OR4K14: variants seen among roughly 807,000 people sequenced by gnomAD.
OR4K14 encodes olfactory receptor 4K14.
For missense variants in OR4K14, 406 were observed against 373.6 expected (o/e 1.09, Z -0.72); for synonymous variants, 153 against 141.5 (o/e 1.08, Z -0.58).
At chr14:20,017,608 A>G (rs1877124630) in intron 1 of OR4K14, among the ~76,000 whole-genome samples, 2 of 152,030 alleles carry the variant, frequency 1.3e-5, no homozygotes, top group African/African-American at 4.8e-5. Context: ...TTAAATTATT[A>G]TGTGGAAGCT....
At chr14:20,016,845 T>C (rs1228317174) in intron 1 of OR4K14, among the ~76,000 whole-genome samples, 1 of 152,088 alleles carries the variant, frequency 6.6e-6, no homozygotes, top group Non-Finnish European at 1.5e-5. Context: ...ATTATATTAT[T>C]AATATATTTC....
chr14:20,019,143 C>A lies in OR4K14; in HGVS notation c.-30G>T, dbSNP rs1244682428. 1 of 151,938 alleles carries A rather than the reference C, an allele frequency of 6.6e-6. No individual in the cohort carries two copies. Among genetic ancestry groups the A allele is most frequent in the Admixed American group, 6.6e-5 (1 of 15,242 alleles). The allele number at this position is 151,938 out of a possible 1,614,324, so 9.4% of individuals were successfully genotyped here. A position where few individuals can be genotyped will look rare whatever the true frequency, so the allele number is the denominator to read the frequency against. On this transcript the variant is annotated splice_region_variant and 5_prime_UTR_variant, in exon 1 of 2. Transcript: ENST00000641793. ...TTTATTACAAAAGTTCTTTACTAAC[C>A]TGGAGTTAAGATGCTCAGTGCTGAT... is the stretch of plus-strand genomic sequence containing the variant.
intron 1 of OR4K14, among the ~76,000 whole-genome samples, chr14:20,017,297 A>C (rs75015023): frequency 0.017 from 2,645 of 152,094 alleles, 76 homozygotes; most frequent in African/African-American, 0.059. Context: ...ACTCACTTAC[A>C]CACTCACTCA....
In OR4K14 at chr14:20,014,491, A is replaced by G; in HGVS notation, c.703T>C (p.Ser235Pro). ...AIRQRAAGST[S>P]KALSTCSAHI... ...GCAGAGCAAGTGGAGAGTGCTTTGGATGTGCTACCGGCAGCACGCTGTCTG... is the reference window on the plus strand; with the variant it reads ...GCAGAGCAAGTGGAGAGTGCTTTGGGTGTGCTACCGGCAGCACGCTGTCTG... The change falls in exon 2 of 2, where the codon TCC becomes CCC. Residue 235 changes from serine (S) to proline (P), a missense_variant. Coordinates refer to ENST00000641793, the MANE Select transcript of OR4K14 (RefSeq NM_001004712.2). 9 of 1,614,086 alleles carry G rather than the reference A, an allele frequency of 5.6e-6. No individual in the cohort carries two copies. The highest frequency in any genetic ancestry group is 5.9e-6 in the Non-Finnish European group (7 of 1,179,964).
intron 1 of OR4K14, among the ~76,000 whole-genome samples, chr14:20,016,426 T>C (rs1470577896): frequency 2.0e-5 from 3 of 152,044 alleles, no homozygotes; most frequent in Non-Finnish European, 4.4e-5. Context: ...ACCCAACTTA[T>C]GTATGTTGCT....
At position 20,015,239 on chromosome 14, in the gene OR4K14, A is replaced by G. The variant is rs1168505256; in HGVS notation, c.-29-17T>C. The G allele has an allele frequency of 7.8e-6, 10 of 1,290,284 alleles. No homozygotes were observed. The highest frequency in any genetic ancestry group is 1.4e-5 in the South Asian group (1 of 69,878). The allele number at this position is 1,290,284 out of a possible 1,614,324, so 79.9% of individuals were successfully genotyped here. On this transcript the variant is annotated splice_polypyrimidine_tract_variant and intron_variant, in intron 1 of 1. Coordinates refer to ENST00000641793, the MANE Select transcript of OR4K14 (RefSeq NM_001004712.2). ...GTTTGTAATCTAAATAAAGAAAAAA[A>G]TCCTGTCATTTGCAGCAACACCTCA...
rs563869502 is a variant in OR4K14, at chr14:20,017,583, T to C, written c.-30+1560A>G. 2.6e-5 allele frequency among the ~76,000 whole-genome samples: 4 copies of C among 152,122 alleles called. No homozygotes were observed. The South Asian group carries it at 8.3e-4, about 31-fold the overall frequency. On this transcript the variant is annotated intron_variant, in intron 1 of 1. Transcript: ENST00000641793. Reference sequence around the variant, plus strand: ...TCTCCGAGATGATTTAGAATGACTTTCTTTTAAAAATATTTTAAATTATTA... The same window carrying C: ...TCTCCGAGATGATTTAGAATGACTTCCTTTTAAAAATATTTTAAATTATTA...
chr14:20,014,686 A>C lies in OR4K14; in HGVS notation c.508T>G (p.Cys170Gly), dbSNP rs752120422. Residue 170 changes from cysteine (C) to glycine (G), a missense_variant, in exon 2 of 2, where the codon TGT (cysteine) becomes GGT (glycine). Transcript: ENST00000641793. ...QVAFTVNLPYCGPNEVDSFFC... is the reference protein window; with the variant it reads ...QVAFTVNLPYGGPNEVDSFFC... ...AAGCTGTCTACCTCATTGGGGCCAC[A>C]GTAAGGCAAATTTACAGTGAAAGCC... The C allele has an allele frequency of 3.1e-6, 5 of 1,614,134 alleles. No homozygotes were observed. Among genetic ancestry groups the C allele is most frequent in the Non-Finnish European group, 4.2e-6 (5 of 1,179,982 alleles).
At chr14:20,018,525 T>C (rs865840235) in intron 1 of OR4K14, among the ~76,000 whole-genome samples, 1 of 152,068 alleles carries the variant, frequency 6.6e-6, no homozygotes, top group Non-Finnish European at 1.5e-5. Flanking sequence ...GCTATACTTT[T>C]ATTGATATTC....
At chr14:20,015,996 A>G (rs887968693) in intron 1 of OR4K14, among the ~76,000 whole-genome samples, 1 of 149,520 alleles carries the variant, frequency 6.7e-6, no homozygotes, top group Admixed American at 6.8e-5. Context: ...GATTGAGAAT[A>G]TGAAGATTTT....
In OR4K14 at chr14:20,015,095, C is replaced by T; in HGVS notation, c.99G>A (p.Gly33=). Residue 33 remains glycine, a synonymous_variant, in exon 2 of 2, where the codon GGG becomes GGA. Transcript: ENST00000641793. ...LQNFFFIFFF[G]VYVAIMLGNL... ...TACCCAGCATAATGGCCACATAGAC[C>T]CCAAAGAAAAATATAAAGAAAAAAT... 2.5e-6 allele frequency: 4 copies of T among 1,613,590 alleles called. No individual in the cohort carries two copies. Among genetic ancestry groups the T allele is most frequent in the East Asian group, 2.2e-5 (1 of 44,858 alleles).
rs1339242632 is a variant in OR4K14, at chr14:20,014,638, T to TCACC, written c.552_555dup (p.Ile186GlyfsTer49). ...TAGGTGTCCATGCAGGCAAGTTTGA[T>TCACC]CACCAGAGGGAGGTCACAGAAGAAG... On this transcript the variant is annotated frameshift_variant, in exon 2 of 2. Transcript: ENST00000641793. LOFTEE classifies it low-confidence loss of function (END_TRUNC). 6.2e-7 allele frequency: 1 copy of TCACC among 1,614,004 alleles called. No individual in the cohort carries two copies. Among genetic ancestry groups the TCACC allele is most frequent in the East Asian group, 2.2e-5 (1 of 44,868 alleles).
intron 1 of OR4K14, among the ~76,000 whole-genome samples, chr14:20,016,878 G>A: frequency 6.6e-6 from 1 of 151,736 alleles, no homozygotes; most frequent in East Asian, 1.9e-4. Context: ...CTTTTAATTT[G>A]TTGTAATTAT....
chr14:20,018,522 T>A (rs540497623), intron 1 of OR4K14, among the ~76,000 whole-genome samples: 1 of 152,192 alleles, frequency 6.6e-6, no homozygotes, highest in South Asian at 2.1e-4. Flanking sequence ...AGAGCTATAC[T>A]TTTATTGATA....
At chr14:20,015,928 G>A (rs1236083556) in intron 1 of OR4K14, among the ~76,000 whole-genome samples, 1 of 150,482 alleles carries the variant, frequency 6.6e-6, no homozygotes, top group Non-Finnish European at 1.5e-5. Context: ...CATGGCCTTT[G>A]TCCATATAAA....
In OR4K14 at chr14:20,014,412, C is replaced by T. The variant is rs778047290; in HGVS notation, c.782G>A (p.Arg261Gln). Residue 261 changes from arginine (R) to glutamine (Q), a missense_variant, in exon 2 of 2, where the codon CGG becomes CAG. Transcript: ENST00000641793. Reference protein sequence around the residue: ...FFGPCIFVYVRPFSRFSVDKL... With the variant: ...FFGPCIFVYVQPFSRFSVDKL... The stretch of plus-strand genomic sequence containing the variant: ...GTCCACAGAGAACCTACTGAAAGGC[C>T]GCACATAAACAAAAATGCAAGGGCC... 11 of 1,613,780 alleles carry T rather than the reference C, an allele frequency of 6.8e-6. No individual in the cohort carries two copies. Among genetic ancestry groups the T allele is most frequent in the South Asian group, 1.1e-5 (1 of 91,044 alleles).
Position 20,014,500 on chromosome 14 carries a change from C to A in OR4K14, c.694G>T (p.Gly232Cys). 2 of 1,613,994 alleles carry A rather than the reference C, an allele frequency of 1.2e-6. No homozygotes were observed. The highest frequency in any genetic ancestry group is 1.7e-6 in the Non-Finnish European group (2 of 1,179,950). The change falls in exon 2 of 2, where the codon GGT becomes TGT. Residue 232 changes from glycine (G) to cysteine (C), a missense_variant. Gly to Cys is a radical substitution (Grantham distance 159). Transcript: ENST00000641793. ...ILLAIRQRAA[G>C]STSKALSTCS... ...GTGGAGAGTGCTTTGGATGTGCTAC[C>A]GGCAGCACGCTGTCTGATAGCGAGG...
chr14:20,014,400 C>A lies in OR4K14; in HGVS notation c.794G>T (p.Arg265Met), dbSNP rs754736595. The change falls in exon 2 of 2, where the codon AGG (arginine) becomes ATG (methionine). Residue 265 changes from arginine (R) to methionine (M), a missense_variant. Coordinates refer to ENST00000641793, the MANE Select transcript of OR4K14 (RefSeq NM_001004712.2). ...AGACAGCAGCTTGTCCACAGAGAAC[C>A]TACTGAAAGGCCGCACATAAACAAA... The part of the protein sequence containing the change: ...CIFVYVRPFS[R>M]FSVDKLLSVF... 1.2e-6 allele frequency: 2 copies of A among 1,614,042 alleles called. No homozygotes were observed. Among genetic ancestry groups the A allele is most frequent in the Non-Finnish European group, 8.5e-7 (1 of 1,179,980 alleles).
In OR4K14 at chr14:20,014,956, G is replaced by A. The variant is rs1232693091; in HGVS notation, c.238C>T (p.Pro80Ser). 17 of 1,614,034 alleles carry A rather than the reference G, an allele frequency of 1.1e-5. No homozygotes were observed. Among genetic ancestry groups the A allele is most frequent in the African/African-American group, 1.3e-5 (1 of 75,008 alleles). Residue 80 changes from proline (P) to serine (S), a missense_variant, in exon 2 of 2, where the codon CCC becomes TCC. Transcript: ENST00000641793. ...CTAAGGAAATCCCTGATCATCTTGG[G>A]AGTGGCAAATGAGGCCAGCCACATG... ...LDMWLASFAT[P>S]KMIRDFLSDQ...
Sources: gnomAD v4.1 joint callset for allele counts (sites outside exome capture counted in the v4.1 genomes callset) on GRCh38, gnomAD v4.1.1 for gene constraint, MANE v1.5 for transcripts, NCBI Gene and HGNC (gene_info 2026-07-23, HGNC 2026-07-21) for gene names.